Variants in EYA4 observed in about 807,000 individuals in gnomAD.
EYA4 encodes the protein protein phosphatase EYA4.
EYA4 carries 31 observed loss-of-function variants against 87.9 expected under a neutral mutation model. The ratio of observed to expected loss-of-function variants is 0.35; its 90% confidence interval spans 0.27 to 0.48. EYA4 has a LOEUF of 0.48. Ranked by LOEUF, EYA4 falls within the 20% of genes least tolerant of loss-of-function variation. The pLI, the probability that EYA4 is intolerant of heterozygous loss-of-function variation, is 0.99. For synonymous variants in EYA4, 263 were observed against 270.6 expected (o/e 0.97, Z 0.28); for missense variants, 678 against 761.4 (o/e 0.89, Z 1.29).
At chr6:133,341,801 G>A (rs1782801303) in intron 2 of EYA4, among the ~76,000 whole-genome samples, 1 of 150,960 alleles carries the variant, frequency 6.6e-6, no homozygotes, top group Non-Finnish European at 1.5e-5. Flanking sequence ...CACTTAAGGG[G>A]AAAAAAAAAC....
intron 2 of EYA4, among the ~76,000 whole-genome samples, chr6:133,380,785 G>T (rs910767987): frequency 6.6e-6 from 1 of 151,574 alleles, no homozygotes; most frequent in African/African-American, 2.4e-5. Context: ...TTTTAAAAAA[G>T]TATTTCTCCC....
intron 1 of EYA4, among the ~76,000 whole-genome samples, chr6:133,263,300 C>G (rs971524099): frequency 2.6e-5 from 4 of 152,206 alleles, no homozygotes; most frequent in African/African-American, 9.7e-5. Context: ...AATTGGACAA[C>G]TAAGCAACAG....
intron 2 of EYA4, among the ~76,000 whole-genome samples, chr6:133,285,556 A>G (rs571281880): frequency 6.6e-6 from 1 of 152,348 alleles, no homozygotes; most frequent in Admixed American, 6.5e-5. Flanking sequence ...TGTAAAGCTT[A>G]AACTTTTTCT....
chr6:133,337,553 G>A (rs1477733847), intron 2 of EYA4, among the ~76,000 whole-genome samples: 1 of 152,070 alleles, frequency 6.6e-6, no homozygotes, highest in Non-Finnish European at 1.5e-5. Flanking sequence ...CAATCAAAAT[G>A]GAAATGTGTC....
At chr6:133,396,143 A>C (rs1283860987) in intron 3 of EYA4, among the ~76,000 whole-genome samples, 2 of 152,104 alleles carry the variant, frequency 1.3e-5, no homozygotes, top group Non-Finnish European at 2.9e-5. Flanking sequence ...TTGGGAAATA[A>C]TTGTTCCATT....
chr6:133,527,893 G>A (rs979753605), intron 19 of EYA4, among the ~76,000 whole-genome samples: 1 of 152,096 alleles, frequency 6.6e-6, no homozygotes, highest in Admixed American at 6.6e-5. Context: ...CTGTAATGCA[G>A]TGTTTTTTCT....
chr6:133,370,284 G>A (rs1204580667), intron 2 of EYA4, among the ~76,000 whole-genome samples: 1 of 152,208 alleles, frequency 6.6e-6, no homozygotes, highest in Non-Finnish European at 1.5e-5. Context: ...TTTGAATGAG[G>A]TAAGTTGCAT....
intron 2 of EYA4, among the ~76,000 whole-genome samples, chr6:133,284,522 G>A (rs1777876728): frequency 6.6e-6 from 1 of 152,158 alleles, no homozygotes; most frequent in Non-Finnish European, 1.5e-5. Context: ...AGAATGTATG[G>A]AAATTAAATG....
At chr6:133,500,582 T>C (rs1311578349) in intron 13 of EYA4, among the ~76,000 whole-genome samples, 2 of 152,066 alleles carry the variant, frequency 1.3e-5, no homozygotes, top group African/African-American at 2.4e-5. Flanking sequence ...CCTCAATTAC[T>C]AGGGGGAAAA....
chr6:133,328,894 A>G (rs1217491366), intron 2 of EYA4, among the ~76,000 whole-genome samples: 2 of 152,170 alleles, frequency 1.3e-5, no homozygotes, highest in Non-Finnish European at 2.9e-5. Flanking sequence ...AAAAGCTCCC[A>G]TCTGATATTA....
At position 133,512,996 on chromosome 6, in the gene EYA4, A is replaced by G; in HGVS notation, c.1459A>G (p.Arg487Gly). Residue 487 changes from arginine to glycine, a missense_variant, in exon 16 of 20, where the codon AGA (arginine) becomes GGA (glycine). Transcript: ENST00000355286. ...GAGGAAGTTGGCTTTTCGTTACAGA[A>G]GAGTAAAAGAATTATATAACACCTA... ...WMRKLAFRYR[R>G]VKELYNTYKN... 6.2e-7 allele frequency: 1 copy of G among 1,614,156 alleles called. No homozygotes were observed.
chr6:133,344,678 TTA>T (rs577015812), intron 2 of EYA4, among the ~76,000 whole-genome samples: 119 of 152,180 alleles, frequency 7.8e-4, no homozygotes, highest in African/African-American at 2.5e-3. Flanking sequence ...CATTATGCAT[TTA>T]GAGATTATAT....
At chr6:133,315,339 A>G (rs1348937201) in intron 2 of EYA4, among the ~76,000 whole-genome samples, 1 of 152,192 alleles carries the variant, frequency 6.6e-6, no homozygotes. Flanking sequence ...GGGAAAGTTG[A>G]AGATTTTTCT....
At chr6:133,417,482 A>C (rs1441600761) in intron 3 of EYA4, among the ~76,000 whole-genome samples, 3 of 152,140 alleles carry the variant, frequency 2.0e-5, no homozygotes, top group African/African-American at 7.2e-5. Flanking sequence ...GAAAAGGTGA[A>C]TATGACATAT....
rs1353413344 is a variant in EYA4 at position 133,342,138 on chromosome 6, TACAG to T, written c.34-40249_34-40246del. On this transcript the variant is annotated intron_variant, in intron 2 of 19. Coordinates refer to ENST00000355286, the MANE Select transcript of EYA4 (RefSeq NM_004100.5). Reference sequence around the variant, plus strand: ...GAGCCCCAAATCAAGATCATAAAATTACAGACAGTGAGTTGAAATTGAGACCAGT... The same window carrying T: ...GAGCCCCAAATCAAGATCATAAAATTACAGTGAGTTGAAATTGAGACCAGT... Among the ~76,000 whole-genome samples, 3 of 152,056 alleles carry T rather than the reference TACAG, an allele frequency of 2.0e-5. No homozygotes were observed. In the East Asian group the frequency reaches 5.9e-4, roughly 30 times the overall value.
At chr6:133,335,446 T>A (rs1325682423) in intron 2 of EYA4, among the ~76,000 whole-genome samples, 1 of 152,238 alleles carries the variant, frequency 6.6e-6, no homozygotes, top group Non-Finnish European at 1.5e-5. Flanking sequence ...TGCCAGGCAC[T>A]GTTCCTGATG....
intron 2 of EYA4, among the ~76,000 whole-genome samples, chr6:133,298,616 A>C (rs1395903833): frequency 1.3e-5 from 2 of 152,176 alleles, no homozygotes; most frequent in Admixed American, 1.3e-4. Flanking sequence ...AATTTACTTA[A>C]TTTCACTGTC....
chr6:133,287,669 C>T (rs1778172000), intron 2 of EYA4, among the ~76,000 whole-genome samples: 1 of 152,100 alleles, frequency 6.6e-6, no homozygotes, highest in South Asian at 2.1e-4. Context: ...GACTTTCTAA[C>T]CTGGACATAA....
rs375940491 is a variant in EYA4, at chr6:133,376,820, A to G, written c.34-5572A>G. Among the ~76,000 whole-genome samples the G allele has an allele frequency of 2.0e-4, 31 of 152,166 alleles. 1 individual carries two copies. The highest frequency in any genetic ancestry group is 1.3e-3 in the East Asian group (7 of 5,194). On this transcript the variant is annotated intron_variant, in intron 2 of 19. Coordinates refer to ENST00000355286, the MANE Select transcript of EYA4 (RefSeq NM_004100.5). ...TATTAATTATTCTCAATACCAAATCACACATTCTTTATTTTAAAGTATACT... is the reference window on the plus strand; with the variant it reads ...TATTAATTATTCTCAATACCAAATCGCACATTCTTTATTTTAAAGTATACT...
Sources: gnomAD v4.1 joint callset for allele counts (sites outside exome capture counted in the v4.1 genomes callset) on GRCh38, gnomAD v4.1.1 for gene constraint, MANE v1.5 for transcripts, NCBI Gene and HGNC (gene_info 2026-07-23, HGNC 2026-07-21) for gene names.